Variants in PMAIP1 observed in about 807,000 individuals in gnomAD.
The protein encoded by PMAIP1 is phorbol-12-myristate-13-acetate-induced protein 1, also known as PMA-induced protein 1.
A neutral mutation model predicts 3.7 loss-of-function variants in PMAIP1; 3 were observed. The observed-to-expected ratio is 0.82, with a 90% CI of 0.37 to 2.12. PMAIP1 has a LOEUF of 2.12. PMAIP1 is among the 30% of genes most tolerant of loss of function. The pLI is 0.06. For synonymous variants in PMAIP1, 29 were observed against 26.2 expected (o/e 1.11, Z -0.32); for missense variants, 77 against 67.1 (o/e 1.15, Z -0.52).
At position 59,900,181 on chromosome 18, in the gene PMAIP1, C is replaced by T; in HGVS notation, c.4C>T (p.Pro2Ser). 1.3e-6 allele frequency: 2 copies of T among 1,559,362 alleles called. No homozygotes were observed. Among genetic ancestry groups the T allele is most frequent in the East Asian group, 2.3e-5 (1 of 43,014 alleles). M[P>S]GKKARKNAQP... ...GTGGGCGGCGGCACCGGCGGAGATGCCTGGGAAGAAGGCGCGCAAGAACGC... is the reference window on the plus strand; with the variant it reads ...GTGGGCGGCGGCACCGGCGGAGATGTCTGGGAAGAAGGCGCGCAAGAACGC... The change falls in exon 1 of 2, where the codon CCT becomes TCT. Residue 2 changes from proline to serine, a missense_variant. Pro to Ser is a moderately conservative substitution (Grantham distance 74). Coordinates refer to ENST00000316660, the MANE Select transcript of PMAIP1 (RefSeq NM_021127.3).
chr18:59,903,442 G>C lies in PMAIP1; in HGVS notation c.*689G>C, dbSNP rs1009603260. ...AATAACTTTGAAAAAATTGGATAAA[G>C]TATAGGAGGGTTACTTGGGGCCAGT... On this transcript the variant is annotated 3_prime_UTR_variant, in exon 2 of 2. Coordinates refer to ENST00000316660, the MANE Select transcript of PMAIP1 (RefSeq NM_021127.3). 6.6e-6 allele frequency: 1 copy of C among 152,546 alleles called. No homozygotes were observed. The highest frequency in any genetic ancestry group is 2.4e-5 in the African/African-American group (1 of 41,440). The allele number at this position is 152,546 out of a possible 1,614,324, so 9.4% of individuals were successfully genotyped here.
Position 59,902,798 on chromosome 18 carries a change from CT to C in PMAIP1, c.*46del. 2 of 1,613,898 alleles carry C rather than the reference CT, an allele frequency of 1.2e-6. No individual in the cohort carries two copies. Among genetic ancestry groups the C allele is most frequent in the Non-Finnish European group, 1.7e-6 (2 of 1,179,878 alleles). On this transcript the variant is annotated 3_prime_UTR_variant, in exon 2 of 2. Transcript: ENST00000316660. The stretch of plus-strand genomic sequence containing the variant: ...GAGGGGACTCCTTCAAAAGAGTTTT[CT>C]CAGGAGGTGCACGTTTCATCAATTT...
At chr18:59,900,311 G>A in intron 1 of PMAIP1, 76 bp downstream of exon 1, 1 of 1,512,630 alleles carries the variant, frequency 6.6e-7, no homozygotes, top group South Asian at 1.2e-5. Context: ...GGCTGGGGCG[G>A]GCTCAGCTCG....
chr18:59,900,279 T>TCGGGGC, intron 1 of PMAIP1, 44 bp downstream of exon 1: 1 of 1,530,322 alleles, frequency 6.5e-7, no homozygotes. Flanking sequence ...CCGGGCGGGG[T>TCGGGGC]CGGGGCCGGG....
chr18:59,900,706 G>A, intron 1 of PMAIP1: 1 of 929,268 alleles, frequency 1.1e-6, no homozygotes, highest in Non-Finnish European at 1.6e-6. Context: ...CAGGAGCCTA[G>A]AAAATCTTGT....
chr18:59,900,780 T>C (rs1388359735), intron 1 of PMAIP1: 1 of 582,382 alleles, frequency 1.7e-6, no homozygotes, highest in East Asian at 2.9e-5. Flanking sequence ...TCCGCTCCTT[T>C]TTTTCATTCA....
chr18:59,904,236 T>C lies in PMAIP1; in HGVS notation c.*1483T>C, dbSNP rs2849431. 1 of 152,196 alleles carries C rather than the reference T, an allele frequency of 6.6e-6. No individual in the cohort carries two copies. The highest frequency in any genetic ancestry group is 1.5e-5 in the Non-Finnish European group (1 of 68,032). 9.4% of individuals were successfully genotyped at this position (152,196 alleles called of 1,614,324 possible). ...ACCATCTGGTATTTATGGTCTAATT[T>C]GTATTTAAACATATGCACACATATA... On this transcript the variant is annotated 3_prime_UTR_variant, in exon 2 of 2. Coordinates refer to ENST00000316660, the MANE Select transcript of PMAIP1 (RefSeq NM_021127.3).
chr18:59,900,818 T>G (rs2055760948), intron 1 of PMAIP1: 1 of 476,828 alleles, frequency 2.1e-6, no homozygotes, highest in East Asian at 3.5e-5. Flanking sequence ...CCCCGATACA[T>G]ACAGCTCCAT....
rs2055751289 is a variant in PMAIP1, at chr18:59,900,280, CG to C, written c.58+49del. On this transcript the variant is annotated intron_variant, in intron 1 of 1. Coordinates refer to ENST00000316660, the MANE Select transcript of PMAIP1 (RefSeq NM_021127.3). ...AGCGAAGACCCAGGCCGGGCGGGGT[CG>C]GGGCCGGGGTCGAGGTCTCGGCTGG... The C allele has an allele frequency of 3.3e-6, 5 of 1,530,666 alleles. No individual in the cohort carries two copies. The African/African-American group carries it at 5.5e-5, about 17-fold the overall frequency. The allele number at this position is 1,530,666 out of a possible 1,614,324, so 94.8% of individuals were successfully genotyped here. A position where few individuals can be genotyped will look rare whatever the true frequency, so the allele number is the denominator to read the frequency against.
intron 1 of PMAIP1, among the ~76,000 whole-genome samples, chr18:59,900,903 G>A (rs2143559538): frequency 6.6e-6 from 1 of 152,224 alleles, no homozygotes; most frequent in African/African-American, 2.4e-5. Flanking sequence ...ACTGCCCAGA[G>A]CCCGAAGTCT....
intron 1 of PMAIP1, chr18:59,900,769 G>A (rs1244299492): frequency 5.0e-6 from 3 of 603,724 alleles, no homozygotes; most frequent in African/African-American, 1.9e-5. Flanking sequence ...ATAGGAGTTA[G>A]TCCGCTCCTT....
At chr18:59,900,298 C>G (rs1286720161) in intron 1 of PMAIP1, 63 bp downstream of exon 1, 1 of 1,523,320 alleles carries the variant, frequency 6.6e-7, no homozygotes, top group Non-Finnish European at 8.8e-7. Context: ...GGGTCGAGGT[C>G]TCGGCTGGGG....
intron 1 of PMAIP1, chr18:59,900,614 G>T: frequency 1.3e-6 from 2 of 1,546,610 alleles, no homozygotes; most frequent in Non-Finnish European, 1.7e-6. Flanking sequence ...TCATTGTCGC[G>T]GCAGAAGGGG....
rs143843017 is a variant in PMAIP1 at position 59,903,397 on chromosome 18, G to A, written c.*644G>A. On this transcript the variant is annotated 3_prime_UTR_variant, in exon 2 of 2. Coordinates refer to ENST00000316660, the MANE Select transcript of PMAIP1 (RefSeq NM_021127.3). ...AATGTGTTCCTGTTGGGCGTTACTAGAAACTATGGAAAACTGGAAAATAAC... is the reference window on the plus strand; with the variant it reads ...AATGTGTTCCTGTTGGGCGTTACTAAAAACTATGGAAAACTGGAAAATAAC... The A allele has an allele frequency of 6.5e-6, 1 of 153,254 alleles. No homozygotes were observed. The highest frequency in any genetic ancestry group is 1.5e-5 in the Non-Finnish European group (1 of 68,440). The allele number at this position is 153,254 out of a possible 1,614,324, so 9.5% of individuals were successfully genotyped here. A position where few individuals can be genotyped will look rare whatever the true frequency, so the allele number is the denominator to read the frequency against.
Position 59,900,244 on chromosome 18 carries a change from C to A in PMAIP1, c.58+9C>A. The A allele has an allele frequency of 6.5e-7, 1 of 1,544,470 alleles. No homozygotes were observed. On this transcript the variant is annotated intron_variant, in intron 1 of 1. Coordinates refer to ENST00000316660, the MANE Select transcript of PMAIP1 (RefSeq NM_021127.3). ...CGCGCGGGCTCCAGCAGGTACCGAC[C>A]CGCTGGGGCCAGCGAAGACCCAGGC...
rs2055787955 is a variant in PMAIP1, at chr18:59,903,433, T to C, written c.*680T>C. 6.5e-6 allele frequency: 1 copy of C among 152,858 alleles called. No individual in the cohort carries two copies. Among genetic ancestry groups the C allele is most frequent in the South Asian group, 2.1e-4 (1 of 4,854 alleles). 9.5% of individuals were successfully genotyped at this position (152,858 alleles called of 1,614,324 possible). On this transcript the variant is annotated 3_prime_UTR_variant, in exon 2 of 2. Transcript: ENST00000316660. Reference sequence around the variant, plus strand: ...AAACTGGAAAATAACTTTGAAAAAATTGGATAAAGTATAGGAGGGTTACTT... The same window carrying C: ...AAACTGGAAAATAACTTTGAAAAAACTGGATAAAGTATAGGAGGGTTACTT...
intron 1 of PMAIP1, among the ~76,000 whole-genome samples, chr18:59,902,060 G>A (rs1237760176): frequency 6.6e-6 from 1 of 152,182 alleles, no homozygotes; most frequent in African/African-American, 2.4e-5. Flanking sequence ...AAGATTTTAT[G>A]AGTCTTTTAT....
chr18:59,900,510 G>C (rs1367380461), intron 1 of PMAIP1: 1 of 1,550,184 alleles, frequency 6.5e-7, no homozygotes, highest in Non-Finnish European at 8.7e-7. Flanking sequence ...GGGGCAAAAA[G>C]CTCCTTTCCT....
intron 1 of PMAIP1, among the ~76,000 whole-genome samples, chr18:59,902,392 C>T (rs1008458171): frequency 3.3e-5 from 5 of 152,192 alleles, no homozygotes; most frequent in Non-Finnish European, 7.3e-5. Flanking sequence ...TAACACTTGC[C>T]TCATCCAGGA....
Sources: gnomAD v4.1 joint callset for allele counts (sites outside exome capture counted in the v4.1 genomes callset) on GRCh38, gnomAD v4.1.1 for gene constraint, MANE v1.5 for transcripts, NCBI Gene and HGNC (gene_info 2026-07-23, HGNC 2026-07-21) for gene names.